N4BP2L2: variants seen among roughly 807,000 people sequenced by gnomAD.
N4BP2L2 encodes the protein NEDD4 binding protein 2 like 2, also known as NEDD4-binding protein 2-like 2.
In N4BP2L2, 50 loss-of-function variants were observed where a neutral mutation model predicts 56.2. The ratio of observed to expected loss-of-function variants is 0.89; its 90% CI spans 0.71 to 1.13. The LOEUF (loss-of-function observed/expected upper bound fraction) is 1.13, where lower values mean the gene tolerates loss of function less well. Among genes scored for constraint, N4BP2L2 ranks in the 50% most tolerant of loss-of-function variants. The pLI, the probability that N4BP2L2 is intolerant of heterozygous loss-of-function variation, is 0.00. For synonymous variants in N4BP2L2, 203 were observed against 223.6 expected (o/e 0.91, Z 0.82); for missense variants, 689 against 693.8 (o/e 0.99, Z 0.08).
rs2053371533 is a variant in N4BP2L2 at position 32,527,476 on chromosome 13, T to C, written c.1316A>G (p.His439Arg). The stretch of plus-strand genomic sequence containing the variant: ...ATTATACCTGTACCCATCTTGATGG[T>C]GAAAATAGTCATCAGTGCTGAACAC... The change falls in exon 3 of 6, where the codon CAC becomes CGC. Residue 439 changes from histidine (H) to arginine (R), a missense_variant. By Grantham distance (29) the His-to-Arg change is conservative. Coordinates refer to ENST00000267068, the Ensembl canonical transcript of N4BP2L2. The C allele has an allele frequency of 1.2e-6, 2 of 1,613,794 alleles. No individual in the cohort carries two copies. The highest frequency in any genetic ancestry group is 1.7e-5 in the Admixed American group (1 of 59,986).
chr13:32,530,161 C>T (rs907952492), intron 2 of N4BP2L2, among the ~76,000 whole-genome samples: 1 of 152,120 alleles, frequency 6.6e-6, no homozygotes, highest in Admixed American at 6.5e-5. Context: ...AACAAGTCAA[C>T]AATACATATG....
chr13:32,516,894 G>A, exon 6 of N4BP2L2: 1 of 984,600 alleles, frequency 1.0e-6, no homozygotes, highest in African/African-American at 1.7e-5. Context: ...CCTCTGAAAT[G>A]AATTCCATCT....
chr13:32,479,914 G>C (rs1016931979), intron 6 of N4BP2L2, among the ~76,000 whole-genome samples: 2 of 151,156 alleles, frequency 1.3e-5, no homozygotes, highest in East Asian at 1.9e-4. Flanking sequence ...CACAGAGTGA[G>C]AGAGAGAGAG....
chr13:32,517,378 C>T (rs929818501), exon 6 of N4BP2L2: 245 of 992,378 alleles, frequency 2.5e-4, no homozygotes, highest in Non-Finnish European at 2.8e-4. Flanking sequence ...ACTAAGGTAC[C>T]CTATACCAAG....
At chr13:32,529,191 G>A (rs2053931560) in intron 2 of N4BP2L2, among the ~76,000 whole-genome samples, 1 of 152,214 alleles carries the variant, frequency 6.6e-6, no homozygotes, top group Admixed American at 6.5e-5. Context: ...AGGGCCAGTG[G>A]TGTATTTTAT....
intron 6 of N4BP2L2, among the ~76,000 whole-genome samples, chr13:32,455,815 G>C (rs1053511781): frequency 6.6e-6 from 1 of 152,096 alleles, no homozygotes. Flanking sequence ...CTGAGGACAG[G>C]CTTACCCTGT....
exon 6 of N4BP2L2, chr13:32,517,920 A>C: frequency 3.7e-6 from 6 of 1,614,138 alleles, no homozygotes; most frequent in Non-Finnish European, 5.1e-6. Flanking sequence ...CACTGAATTC[A>C]TTACAATAGA....
At chr13:32,518,319 TTTTAAGAA>T (rs1411424255) in intron 5 of N4BP2L2, among the ~76,000 whole-genome samples, 5 of 152,024 alleles carry the variant, frequency 3.3e-5, no homozygotes, top group African/African-American at 9.7e-5. Context: ...TGAAATACTG[TTTTAAGAA>T]TTACAGAAAG....
At chr13:32,474,777 A>T (rs908066463) in intron 6 of N4BP2L2, among the ~76,000 whole-genome samples, 11 of 152,220 alleles carry the variant, frequency 7.2e-5, no homozygotes, top group South Asian at 2.1e-4. Context: ...ACTTTGATTT[A>T]AAAAAGTCAC....
intron 6 of N4BP2L2, among the ~76,000 whole-genome samples, chr13:32,460,708 T>C (rs924060024): frequency 6.6e-6 from 1 of 152,018 alleles, no homozygotes; most frequent in Non-Finnish European, 1.5e-5. Flanking sequence ...ACCAATGACA[T>C]TTTTCAAAGA....
At position 32,474,904 on chromosome 13, in the gene N4BP2L2, G is replaced by A. The variant is rs566730158; in HGVS notation, c.366-30778C>T. ...CTGTACATGATCCATGCATCCATATGTGCATAAAAAATGTCTAAAGACTGA... is the reference window on the plus strand; with the variant it reads ...CTGTACATGATCCATGCATCCATATATGCATAAAAAATGTCTAAAGACTGA... On this transcript the variant is annotated intron_variant, in intron 6 of 9. Transcript: ENST00000357505. Among the ~76,000 whole-genome samples, 4 of 152,282 alleles carry A rather than the reference G, an allele frequency of 2.6e-5. No individual in the cohort carries two copies. The South Asian group carries it at 8.3e-4, about 32-fold the overall frequency.
At chr13:32,433,299 A>G (rs2075039240) in intron 9 of N4BP2L2, among the ~76,000 whole-genome samples, 1 of 152,220 alleles carries the variant, frequency 6.6e-6, no homozygotes, top group Non-Finnish European at 1.5e-5. Context: ...TTCCTCTCCT[A>G]AAGAACACAA....
intron 6 of N4BP2L2, among the ~76,000 whole-genome samples, chr13:32,470,853 G>A (rs2082165096): frequency 6.6e-6 from 1 of 152,214 alleles, no homozygotes; most frequent in African/African-American, 2.4e-5. Flanking sequence ...CATGGGGCCT[G>A]AAGCACCCCT....
intron 6 of N4BP2L2, among the ~76,000 whole-genome samples, chr13:32,468,100 C>T (rs1357321281): frequency 2.0e-5 from 3 of 152,074 alleles, no homozygotes; most frequent in Non-Finnish European, 4.4e-5. Context: ...GATATGCATT[C>T]ATATCCCAGG....
intron 1 of N4BP2L2, among the ~76,000 whole-genome samples, chr13:32,538,341 G>C (rs1164376211): frequency 6.6e-6 from 1 of 152,048 alleles, no homozygotes; most frequent in Non-Finnish European, 1.5e-5. Context: ...AAGCAACCGG[G>C]TTGCGTTAAT....
intron 5 of N4BP2L2, 77 bp from the exon 6 acceptor site, chr13:32,518,080 G>A (rs2049677174): frequency 2.3e-6 from 3 of 1,293,416 alleles, no homozygotes; most frequent in African/African-American, 3.0e-5. Context: ...TAGAGAAAAA[G>A]CACACAAATT....
intron 6 of N4BP2L2, among the ~76,000 whole-genome samples, chr13:32,485,182 A>T (rs1194099973): frequency 6.6e-6 from 1 of 152,150 alleles, no homozygotes; most frequent in East Asian, 1.9e-4. Context: ...CATGATTATT[A>T]TTCTTGTCAA....
At chr13:32,492,273 ATTTTTTTTTTTTTT>A (rs72053635) in intron 6 of N4BP2L2, among the ~76,000 whole-genome samples, 1 of 72,128 alleles carries the variant, frequency 1.4e-5, no homozygotes, top group African/African-American at 5.7e-5. Context: ...AAACACCAAA[ATTTTTTTTTTTTTT>A]TTTTTTTTTT....
intron 6 of N4BP2L2, among the ~76,000 whole-genome samples, chr13:32,466,468 G>A (rs1233831612): frequency 1.3e-5 from 2 of 152,078 alleles, no homozygotes; most frequent in Non-Finnish European, 2.9e-5. Flanking sequence ...TCCAGAGGCT[G>A]AGGCACAAGA....
Sources: gnomAD v4.1 joint callset for allele counts (sites outside exome capture counted in the v4.1 genomes callset) on GRCh38, gnomAD v4.1.1 for gene constraint, MANE v1.5 for transcripts, NCBI Gene and HGNC (gene_info 2026-07-23, HGNC 2026-07-21) for gene names.